ARHGEF26: variants seen among roughly 807,000 people sequenced by gnomAD.
The protein encoded by ARHGEF26 is Rho guanine nucleotide exchange factor 26, also known as Rho guanine nucleotide exchange factor (GEF) 26.
In ARHGEF26, 59 loss-of-function variants were observed where a neutral mutation model predicts 89.4. The ratio of observed to expected loss-of-function variants is 0.66; its 90% CI spans 0.54 to 0.82. ARHGEF26 has a LOEUF of 0.82. ARHGEF26 is among the 40% of genes least tolerant of loss of function. ARHGEF26 has a pLI of 0.00. For synonymous variants in ARHGEF26, 500 were observed against 428.4 expected, an observed-to-expected ratio of 1.17 and a Z score of -2.06; for missense variants, 1,234 against 1,085.6, an observed-to-expected ratio of 1.14 and a Z score of -1.92.
Position 154,141,993 on chromosome 3 carries a change from A to G in ARHGEF26, c.1270-7396A>G, listed in dbSNP as rs114880031. On this transcript the variant is annotated intron_variant, in intron 4 of 14. Transcript: ENST00000465093. The stretch of plus-strand genomic sequence containing the variant: ...AACCCAGCCTACCCTCCAGGAGCTT[A>G]GAACCTAGAGCAGAAGACAATAGAA... Among the ~76,000 whole-genome samples the G allele has an allele frequency of 8.0e-3, 1,222 of 152,316 alleles. 14 individuals carry two copies. Among genetic ancestry groups the G allele is most frequent in the African/African-American group, 0.028 (1,160 of 41,572 alleles).
Position 154,186,356 on chromosome 3 carries a change from A to G in ARHGEF26, c.1488-1329A>G, listed in dbSNP as rs1559885008. Among the ~76,000 whole-genome samples, 3 of 145,744 alleles carry G rather than the reference A, an allele frequency of 2.1e-5. No homozygotes were observed. In the South Asian group the frequency reaches 7.4e-4, roughly 36 times the overall value. On this transcript the variant is annotated intron_variant, in intron 6 of 14. Transcript: ENST00000465093. Reference sequence around the variant, plus strand: ...GCAGATGAATGGATAAACAATTGCTATCTATATGACATATATAATGATATA... The same window carrying G: ...GCAGATGAATGGATAAACAATTGCTGTCTATATGACATATATAATGATATA...
rs376564073 is a variant in ARHGEF26 at position 154,122,836 on chromosome 3, G to T, written c.844G>T (p.Val282Leu). Residue 282 changes from valine (V) to leucine (L), a missense_variant, in exon 2 of 15, where the codon GTG becomes TTG. Physicochemically the swap from Val to Leu is conservative, Grantham distance 32. Transcript: ENST00000465093. ...GAGACTCCTCAAGGTGCGCAGCATG[G>T]TGGAGGGCCTAGGAGGACCCCTGGG... The part of the protein sequence containing the change: ...HKRLLKVRSM[V>L]EGLGGPLGHA... The T allele has an allele frequency of 3.7e-6, 6 of 1,612,948 alleles. No individual in the cohort carries two copies. The highest frequency in any genetic ancestry group is 4.2e-6 in the Non-Finnish European group (5 of 1,179,474).
At chr3:154,200,159 C>T (rs1714539684) in intron 9 of ARHGEF26, among the ~76,000 whole-genome samples, 1 of 151,966 alleles carries the variant, frequency 6.6e-6, no homozygotes, top group African/African-American at 2.4e-5. Flanking sequence ...GAGATTCTCC[C>T]CAATATTTTC....
intron 4 of ARHGEF26, among the ~76,000 whole-genome samples, chr3:154,134,867 A>G (rs575931682): frequency 1.3e-5 from 2 of 152,044 alleles, no homozygotes; most frequent in Admixed American, 6.5e-5. Context: ...TTCTGTTTAT[A>G]TGATGAATAA....
intron 9 of ARHGEF26, among the ~76,000 whole-genome samples, chr3:154,217,311 T>C (rs943203281): frequency 7.2e-5 from 11 of 151,730 alleles, no homozygotes; most frequent in Admixed American, 2.6e-4. Flanking sequence ...TTTCATGTGT[T>C]TTTTGGCTGC....
intron 9 of ARHGEF26, among the ~76,000 whole-genome samples, chr3:154,198,277 T>G (rs1714406014): frequency 6.6e-6 from 1 of 152,156 alleles, no homozygotes; most frequent in Admixed American, 6.6e-5. Flanking sequence ...ACCCTGATGG[T>G]GGGAATGTAA....
At position 154,256,979 on chromosome 3, in the gene ARHGEF26, T is replaced by C; in HGVS notation, c.*1506T>C. On this transcript the variant is annotated 3_prime_UTR_variant, in exon 15 of 15. Transcript: ENST00000465093. ...GCAGCTATATTCCCTCTCTGTTCTA[T>C]TTGCTTTAACAAAGGGATAAAACCT... 6.6e-7 allele frequency: 1 copy of C among 1,524,532 alleles called. No homozygotes were observed. The highest frequency in any genetic ancestry group is 8.8e-7 in the Non-Finnish European group (1 of 1,142,376). The allele number at this position is 1,524,532 out of a possible 1,614,324, so 94.4% of individuals were successfully genotyped here.
chr3:154,254,065 G>A (rs564681698), intron 13 of ARHGEF26, among the ~76,000 whole-genome samples: 9 of 152,156 alleles, frequency 5.9e-5, no homozygotes, highest in Admixed American at 4.6e-4. Flanking sequence ...ACAGGCGCCC[G>A]CCACCATGCC....
In ARHGEF26 at chr3:154,253,164, G is replaced by A; in HGVS notation, c.2349G>A (p.Lys783=). ...CTGCCCTGGGACACAGCAGCGGGAA[G>A]CCGCCTGCAGACCGAACCTGTAAGT... ...WITALGHSSG[K]PPADRTSLTQ... Residue 783 remains lysine (K), a synonymous_variant, in exon 13 of 15, where the codon AAG becomes AAA. Coordinates refer to ENST00000465093, the MANE Select transcript of ARHGEF26 (RefSeq NM_015595.4). The A allele has an allele frequency of 6.2e-7, 1 of 1,614,020 alleles. No individual in the cohort carries two copies. The highest frequency in any genetic ancestry group is 8.5e-7 in the Non-Finnish European group (1 of 1,179,880).
chr3:154,188,283 A>G (rs1321516603), intron 7 of ARHGEF26, among the ~76,000 whole-genome samples: 4 of 152,248 alleles, frequency 2.6e-5, no homozygotes, highest in Non-Finnish European at 1.5e-5. Context: ...TAAATTGTTC[A>G]TAAAAATTGC....
At position 154,169,018 on chromosome 3, in the gene ARHGEF26, G is replaced by A. The variant is rs112419810; in HGVS notation, c.1487+16086G>A. ...AAAAGATTAGAAATGTAAAGTACAA[G>A]GTGGGAAATTATTGAAATTGCTATT... On this transcript the variant is annotated intron_variant, in intron 6 of 14. Transcript: ENST00000465093. 6.4e-3 allele frequency among the ~76,000 whole-genome samples: 980 copies of A among 152,104 alleles called. 8 individuals carry two copies. The highest frequency in any genetic ancestry group is 0.023 in the African/African-American group (942 of 41,488).
chr3:154,247,565 G>A (rs758939288), intron 12 of ARHGEF26, among the ~76,000 whole-genome samples: 4 of 152,118 alleles, frequency 2.6e-5, no homozygotes, highest in Admixed American at 6.5e-5. Flanking sequence ...TGTACATAGC[G>A]AGTAGGTTCC....
intron 9 of ARHGEF26, among the ~76,000 whole-genome samples, chr3:154,206,307 T>C (rs1469668572): frequency 6.6e-6 from 1 of 152,192 alleles, no homozygotes; most frequent in Admixed American, 6.5e-5. Flanking sequence ...CTTGCTGCTT[T>C]TGTTTTATTT....
intron 10 of ARHGEF26, among the ~76,000 whole-genome samples, chr3:154,219,196 T>C (rs1020274123): frequency 6.6e-6 from 1 of 152,352 alleles, no homozygotes; most frequent in Admixed American, 6.5e-5. Context: ...CTGACAAGTT[T>C]GTTTTTTGTT....
At chr3:154,121,638 T>G (rs1399384526) in intron 1 of ARHGEF26, 119 bp downstream of exon 1, 3 of 255,194 alleles carry the variant, frequency 1.2e-5, no homozygotes, top group African/African-American at 4.4e-5. Flanking sequence ...GCTGAACTCG[T>G]CCCAAGTTTC....
At chr3:154,196,648 G>T (rs1714307951) in intron 9 of ARHGEF26, among the ~76,000 whole-genome samples, 1 of 152,132 alleles carries the variant, frequency 6.6e-6, no homozygotes. Context: ...CATCCCATCA[G>T]TGGTCTGCAC....
At position 154,239,275 on chromosome 3, in the gene ARHGEF26, A is replaced by G. The variant is rs868050941; in HGVS notation, c.2091-1095A>G. 8.8e-3 allele frequency among the ~76,000 whole-genome samples: 857 copies of G among 97,892 alleles called. 16 individuals are homozygous for G. Among genetic ancestry groups the G allele is most frequent in the African/African-American group, 0.033 (790 of 23,874 alleles). The allele number at this position is 97,892 out of a possible 152,430, so 64.2% of individuals were successfully genotyped here. On this transcript the variant is annotated intron_variant, in intron 11 of 14. Coordinates refer to ENST00000465093, the MANE Select transcript of ARHGEF26 (RefSeq NM_015595.4). Reference sequence around the variant, plus strand: ...GAGAGAGAGAGGGAGAGAGAGAGAGAGAGAGAGAGAGAGAGAGAGAGAGAG... The same window carrying G: ...GAGAGAGAGAGGGAGAGAGAGAGAGGGAGAGAGAGAGAGAGAGAGAGAGAG...
Position 154,149,431 on chromosome 3 carries a change from A to G in ARHGEF26, c.1312A>G (p.Arg438Gly), listed in dbSNP as rs201260157. The G allele has an allele frequency of 1.2e-6, 2 of 1,608,546 alleles. No individual in the cohort carries two copies. Among genetic ancestry groups the G allele is most frequent in the African/African-American group, 2.7e-5 (2 of 75,016 alleles). ...ATCTCAGACAGTAAGCCAGGAGGAA[A>G]GAAAGAGACAAGAGGTATGTTTCTA... ...GLSQTVSQEE[R>G]KRQEAIFEVI... is the part of the protein sequence containing the mutation. Residue 438 changes from arginine (R) to glycine (G), a missense_variant, in exon 5 of 15, where the codon AGA (arginine) becomes GGA (glycine). Physicochemically the swap from Arg to Gly is moderately radical, Grantham distance 125. Transcript: ENST00000465093.
chr3:154,173,456 A>C (rs568787501), intron 6 of ARHGEF26, among the ~76,000 whole-genome samples: 2 of 152,302 alleles, frequency 1.3e-5, no homozygotes, highest in South Asian at 4.1e-4. Flanking sequence ...TCAATTAATT[A>C]CAGTTCTTAC....
Sources: gnomAD v4.1 joint callset for allele counts (sites outside exome capture counted in the v4.1 genomes callset) on GRCh38, gnomAD v4.1.1 for gene constraint, MANE v1.5 for transcripts, NCBI Gene and HGNC (gene_info 2026-07-23, HGNC 2026-07-21) for gene names.